Variants in KYNU observed in about 807,000 individuals in gnomAD.
KYNU encodes the protein kynureninase, also known as L-kynurenine hydrolase.
A neutral mutation model predicts 59.2 loss-of-function variants in KYNU; 54 were observed. That is an observed-to-expected ratio of 0.91 (90% CI 0.73 to 1.14). The LOEUF (loss-of-function observed/expected upper bound fraction) is 1.14, where lower values mean the gene tolerates loss of function less well. KYNU is among the 50% of genes most tolerant of loss of function. The pLI, the probability that KYNU is intolerant of heterozygous loss-of-function variation, is 0.00. For missense variants in KYNU, 567 were observed against 554.4 expected (o/e 1.02, Z -0.23); for synonymous variants, 177 against 192.0 (o/e 0.92, Z 0.65).
chr2:142,930,632 A>T (rs958715522), intron 4 of KYNU, among the ~76,000 whole-genome samples: 4 of 151,978 alleles, frequency 2.6e-5, no homozygotes, highest in African/African-American at 9.7e-5. Flanking sequence ...GTACTGGAGG[A>T]AACAGTTCTC....
chr2:143,033,855 A>G (rs939686501), intron 12 of KYNU, among the ~76,000 whole-genome samples: 18 of 152,210 alleles, frequency 1.2e-4, no homozygotes, highest in African/African-American at 4.3e-4. Flanking sequence ...AGAGTAAACC[A>G]AAGATTAAAT....
rs534259090 is a variant in KYNU, at chr2:143,023,173, A to G, written c.903-6454A>G. Among the ~76,000 whole-genome samples, 76 of 152,028 alleles carry G rather than the reference A, an allele frequency of 5.0e-4. 1 individual carries two copies. The highest frequency in any genetic ancestry group is 1.8e-3 in the African/African-American group (74 of 41,562). ...AAGTCTTGATCTGGAGCTTTTAAAA[A>G]TCATTCTTATAAAGGAAATTTTACC... On this transcript the variant is annotated intron_variant, in intron 10 of 13. Coordinates refer to ENST00000264170, the MANE Select transcript of KYNU (RefSeq NM_003937.3).
chr2:142,963,276 A>G (rs1037054675), intron 8 of KYNU, among the ~76,000 whole-genome samples: 6 of 152,206 alleles, frequency 3.9e-5, no homozygotes, highest in African/African-American at 1.4e-4. Flanking sequence ...AATACTCAGA[A>G]TCCTCAATCG....
rs2104904493 is a variant in KYNU at position 142,884,443 on chromosome 2, C to A, written c.-19-906C>A. 2.0e-5 allele frequency among the ~76,000 whole-genome samples: 3 copies of A among 152,230 alleles called. No individual in the cohort carries two copies. The East Asian group carries it at 5.8e-4, about 29-fold the overall frequency. Reference sequence around the variant, plus strand: ...GAGTTGGGATATGGAGAAAGACAAGCTAAGTGGGATGCTGCTTTTCGACAC... The same window carrying A: ...GAGTTGGGATATGGAGAAAGACAAGATAAGTGGGATGCTGCTTTTCGACAC... On this transcript the variant is annotated intron_variant, in intron 1 of 13. Coordinates refer to ENST00000264170, the MANE Select transcript of KYNU (RefSeq NM_003937.3).
At chr2:142,927,624 A>G (rs1411101794) in intron 3 of KYNU, 35 bp from the exon 4 acceptor site, 3 of 1,471,096 alleles carry the variant, frequency 2.0e-6, no homozygotes, top group Non-Finnish European at 2.9e-6. Context: ...TGCACATAAA[A>G]GCTAAGATAT....
chr2:142,900,363 G>A (rs1051937831), intron 2 of KYNU, among the ~76,000 whole-genome samples: 9 of 152,314 alleles, frequency 5.9e-5, no homozygotes, highest in African/African-American at 1.9e-4. Flanking sequence ...AGAGTGTGCA[G>A]TTGCAAGATT....
At chr2:142,889,432 G>A (rs1681628515) in intron 2 of KYNU, among the ~76,000 whole-genome samples, 1 of 152,192 alleles carries the variant, frequency 6.6e-6, no homozygotes, top group Non-Finnish European at 1.5e-5. Context: ...AAGGGAAAAG[G>A]TCAGTGCGTG....
chr2:142,902,604 G>A (rs902675346), intron 2 of KYNU, among the ~76,000 whole-genome samples: 2 of 151,986 alleles, frequency 1.3e-5, no homozygotes, highest in Non-Finnish European at 2.9e-5. Context: ...TGGTGCCTTT[G>A]GATAATTTTA....
At chr2:142,932,582 C>A (rs988005228) in intron 4 of KYNU, among the ~76,000 whole-genome samples, 3 of 151,880 alleles carry the variant, frequency 2.0e-5, no homozygotes, top group Admixed American at 1.3e-4. Context: ...CTAGGAAACC[C>A]CGTTTTTTCC....
At chr2:142,922,539 A>G (rs544916974) in intron 3 of KYNU, among the ~76,000 whole-genome samples, 3 of 152,292 alleles carry the variant, frequency 2.0e-5, no homozygotes, top group Non-Finnish European at 4.4e-5. Flanking sequence ...TAACATAAAA[A>G]TTAGAGTGCT....
chr2:143,002,099 G>A (rs987135007), intron 10 of KYNU, among the ~76,000 whole-genome samples: 1 of 152,140 alleles, frequency 6.6e-6, no homozygotes, highest in Non-Finnish European at 1.5e-5. Context: ...TAGAATCTTC[G>A]GTGGAGCTGG....
At chr2:143,034,236 G>A (rs1686832644) in intron 12 of KYNU, among the ~76,000 whole-genome samples, 1 of 151,734 alleles carries the variant, frequency 6.6e-6, no homozygotes, top group African/African-American at 2.4e-5. Context: ...TTAAGTAAAT[G>A]TGCATATATA....
chr2:143,054,068 G>T lies in KYNU; in HGVS notation c.*11896G>T, dbSNP rs1232126369. The T allele has an allele frequency of 6.6e-6, 1 of 152,156 alleles. No homozygotes were observed. The highest frequency in any genetic ancestry group is 2.1e-4 in the South Asian group (1 of 4,828). 9.4% of individuals were successfully genotyped at this position (152,156 alleles called of 1,614,324 possible). A position where few individuals can be genotyped will look rare whatever the true frequency, so the allele number is the denominator to read the frequency against. On this transcript the variant is annotated 3_prime_UTR_variant, in exon 14 of 14. Coordinates refer to ENST00000264170, the MANE Select transcript of KYNU (RefSeq NM_003937.3). ...TAAAGCATTTTATGTTGATTCTTGA[G>T]TGAGAGAGTAGAAATAACACTGGTT...
At chr2:142,918,902 T>G (rs893379854) in intron 3 of KYNU, among the ~76,000 whole-genome samples, 173 bp downstream of exon 3, 4 of 152,240 alleles carry the variant, frequency 2.6e-5, no homozygotes, top group African/African-American at 7.2e-5. Flanking sequence ...TCCACAATGG[T>G]CAAGTCCCTT....
chr2:142,878,399 G>T (rs1330372528), intron 1 of KYNU, among the ~76,000 whole-genome samples: 3 of 151,970 alleles, frequency 2.0e-5, no homozygotes, highest in Admixed American at 6.6e-5. Flanking sequence ...ATATACACTC[G>T]TAGCAGAGTA....
At chr2:142,917,590 C>T (rs1239302868) in intron 2 of KYNU, among the ~76,000 whole-genome samples, 1 of 152,198 alleles carries the variant, frequency 6.6e-6, no homozygotes, top group Non-Finnish European at 1.5e-5. Context: ...GCATGGGCCA[C>T]TGTGCCTGGC....
At chr2:142,916,657 T>A (rs1682677463) in intron 2 of KYNU, among the ~76,000 whole-genome samples, 1 of 152,116 alleles carries the variant, frequency 6.6e-6, no homozygotes, top group Admixed American at 6.5e-5. Context: ...ACAGTATGGA[T>A]TAAGAGGAAG....
chr2:142,998,618 A>G (rs1436416426), intron 10 of KYNU, among the ~76,000 whole-genome samples: 4 of 152,194 alleles, frequency 2.6e-5, no homozygotes, highest in African/African-American at 9.7e-5. Flanking sequence ...AGGATCATGC[A>G]TTTTGAAGAA....
At chr2:143,012,460 A>T (rs555750138) in intron 10 of KYNU, among the ~76,000 whole-genome samples, 3 of 150,204 alleles carry the variant, frequency 2.0e-5, no homozygotes, top group African/African-American at 7.4e-5. Flanking sequence ...TCCAGCCTGG[A>T]TGACATAGCA....
Sources: allele counts gnomAD v4.1 joint callset (sites outside exome capture counted in the v4.1 genomes callset), GRCh38; gene constraint gnomAD v4.1.1; transcripts MANE v1.5; gene names NCBI Gene and HGNC (gene_info 2026-07-23, HGNC 2026-07-21).